EYS: variants seen among roughly 807,000 people sequenced by gnomAD.
EYS encodes protein eyes shut homolog.
EYS carries 250 observed loss-of-function variants against 282.1 expected under a neutral mutation model. The observed-to-expected ratio is 0.89, with a 90% CI of 0.80 to 0.98. The LOEUF (loss-of-function observed/expected upper bound fraction) is 0.98. EYS is among the 50% of genes least tolerant of loss of function. The pLI, the probability that EYS is intolerant of heterozygous loss-of-function variation, is 0.00. For synonymous variants in EYS, 1,355 were observed against 1,282.9 expected (o/e 1.06, Z -1.20); for missense variants, 4,016 against 3,709.0 (o/e 1.08, Z -2.15).
At chr6:64,574,069 A>G (rs748381656) in intron 26 of EYS, among the ~76,000 whole-genome samples, 7 of 152,246 alleles carry the variant, frequency 4.6e-5, no homozygotes, top group Non-Finnish European at 7.3e-5. Flanking sequence ...AATGTGGCAC[A>G]TATATACCAC....
intron 22 of EYS, among the ~76,000 whole-genome samples, chr6:64,755,292 A>T (rs74975398): frequency 1.3e-5 from 2 of 152,208 alleles, no homozygotes; most frequent in East Asian, 1.9e-4. Flanking sequence ...AAAGAATTAT[A>T]GGTGACACAA....
chr6:65,423,797 G>C (rs185060593), intron 5 of EYS, among the ~76,000 whole-genome samples: 6 of 151,950 alleles, frequency 3.9e-5, no homozygotes, highest in African/African-American at 1.4e-4. Flanking sequence ...ATATTTTCCT[G>C]AGAAATTTAC....
At chr6:64,478,466 A>G (rs1776341373) in intron 26 of EYS, among the ~76,000 whole-genome samples, 1 of 151,632 alleles carries the variant, frequency 6.6e-6, no homozygotes, top group East Asian at 1.9e-4. Context: ...GCTCTGCAAA[A>G]GGAAATACAT....
At chr6:64,017,333 G>A (rs541061718) in intron 33 of EYS, among the ~76,000 whole-genome samples, 16 of 152,136 alleles carry the variant, frequency 1.1e-4, no homozygotes, top group African/African-American at 3.6e-4. Flanking sequence ...ACAATTGTGG[G>A]ACTCTCTGCA....
chr6:65,309,807 C>T (rs1354936688), intron 11 of EYS, among the ~76,000 whole-genome samples: 2 of 152,198 alleles, frequency 1.3e-5, no homozygotes, highest in South Asian at 2.1e-4. Context: ...TTTAGCAGCA[C>T]GTCCAATTGA....
At chr6:64,472,944 A>T (rs1776161234) in intron 26 of EYS, among the ~76,000 whole-genome samples, 1 of 152,190 alleles carries the variant, frequency 6.6e-6, no homozygotes, top group Admixed American at 6.5e-5. Context: ...TTTACAAACT[A>T]AAGTGAGTTA....
intron 15 of EYS, among the ~76,000 whole-genome samples, chr6:64,933,727 C>T (rs1768807358): frequency 1.3e-5 from 2 of 152,156 alleles, no homozygotes; most frequent in African/African-American, 4.8e-5. Context: ...GACTTGGAAC[C>T]AATCCAAATG....
At chr6:65,305,490 G>A (rs1356581525) in intron 11 of EYS, among the ~76,000 whole-genome samples, 1 of 152,180 alleles carries the variant, frequency 6.6e-6, no homozygotes, top group East Asian at 1.9e-4. Context: ...CTTTAAAGAG[G>A]GCTGAGCAGC....
intron 35 of EYS, among the ~76,000 whole-genome samples, chr6:63,971,006 G>A (rs1346008777): frequency 6.6e-6 from 1 of 152,088 alleles, no homozygotes; most frequent in Non-Finnish European, 1.5e-5. Flanking sequence ...TTGCTGGGTT[G>A]GATATAAAAA....
At chr6:65,265,504 C>G (rs923416710) in intron 12 of EYS, among the ~76,000 whole-genome samples, 1 of 151,834 alleles carries the variant, frequency 6.6e-6, no homozygotes, top group Admixed American at 6.6e-5. Context: ...GTGAATATGT[C>G]TATTATTATA....
At chr6:65,150,918 T>C (rs1764596593) in intron 12 of EYS, among the ~76,000 whole-genome samples, 1 of 152,010 alleles carries the variant, frequency 6.6e-6, no homozygotes, top group Admixed American at 6.6e-5. Flanking sequence ...ATTAATTTAT[T>C]TTCACTTTTT....
chr6:64,647,818 T>A (rs1768409227), intron 22 of EYS, among the ~76,000 whole-genome samples: 1 of 152,202 alleles, frequency 6.6e-6, no homozygotes, highest in African/African-American at 2.4e-5. Context: ...ACCGACTCCT[T>A]ATAGGTAGGA....
intron 5 of EYS, among the ~76,000 whole-genome samples, chr6:65,457,521 A>G (rs1764670443): frequency 6.6e-6 from 1 of 152,160 alleles, no homozygotes; most frequent in Non-Finnish European, 1.5e-5. Context: ...TTGGAATTGC[A>G]AAGTTGAACT....
chr6:64,544,564 AAAT>A (rs1455059840), intron 26 of EYS, among the ~76,000 whole-genome samples: 1 of 152,202 alleles, frequency 6.6e-6, no homozygotes, highest in Non-Finnish European at 1.5e-5. Context: ...ACCCTTCAAA[AAAT>A]CAATGAATCC....
At chr6:64,790,596 G>T (rs1036613666) in intron 22 of EYS, among the ~76,000 whole-genome samples, 100 of 151,910 alleles carry the variant, frequency 6.6e-4, no homozygotes, top group African/African-American at 2.2e-3. Flanking sequence ...CTAAAACAAA[G>T]ACAAATTGCA....
intron 35 of EYS, among the ~76,000 whole-genome samples, chr6:63,966,177 C>T (rs1002900812): frequency 6.6e-6 from 1 of 152,142 alleles, no homozygotes; most frequent in Non-Finnish European, 1.5e-5. Flanking sequence ...TGGAATACTA[C>T]TCAGCCATAA....
chr6:65,295,636 A>G, intron 12 of EYS: 2 of 531,472 alleles, frequency 3.8e-6, no homozygotes, highest in Non-Finnish European at 6.6e-6. Flanking sequence ...GCCTGACCTT[A>G]TTAGTCTTAT....
At chr6:64,923,002 C>T (rs754497883) in intron 15 of EYS, among the ~76,000 whole-genome samples, 12 of 152,104 alleles carry the variant, frequency 7.9e-5, no homozygotes, top group Admixed American at 2.6e-4. Flanking sequence ...ACACTTCTTA[C>T]TCTTGTTTAC....
intron 26 of EYS, among the ~76,000 whole-genome samples, chr6:64,475,863 T>C (rs1277694023): frequency 6.6e-6 from 1 of 152,190 alleles, no homozygotes; most frequent in African/African-American, 2.4e-5. Flanking sequence ...CATAGCTCAC[T>C]GTAACCTCAA....
Sources: allele counts gnomAD v4.1 joint callset (sites outside exome capture counted in the v4.1 genomes callset), GRCh38; gene constraint gnomAD v4.1.1; transcripts MANE v1.5; gene names NCBI Gene and HGNC (gene_info 2026-07-23, HGNC 2026-07-21).